The following ROBO2 variants were observed in gnomAD, a reference collection of about 807,000 sequenced individuals.
ROBO2 encodes roundabout guidance receptor 2, also known as roundabout homolog 2.
ROBO2 carries 53 observed loss-of-function variants against 160.8 expected under a neutral mutation model. The observed-to-expected ratio is 0.33, with a 90% CI of 0.26 to 0.41. ROBO2 has a LOEUF of 0.41. Among genes scored for constraint, ROBO2 ranks in the 10% least tolerant of loss-of-function variants. The probability of loss-of-function intolerance (pLI) is 1.00; values close to 1 mark genes in which losing one functional copy is unlikely to be tolerated. For missense variants in ROBO2, 1,577 were observed against 1,722.4 expected (o/e 0.92, Z 1.49); for synonymous variants, 664 against 611.7 (o/e 1.09, Z -1.26).
chr3:77,445,631 A>G (rs759007930), intron 2 of ROBO2, among the ~76,000 whole-genome samples: 9 of 152,074 alleles, frequency 5.9e-5, no homozygotes, highest in Non-Finnish European at 1.3e-4. Flanking sequence ...TAAAGAAAAT[A>G]AGTGAACAAT....
intron 1 of ROBO2, among the ~76,000 whole-genome samples, chr3:77,083,103 AT>A (rs796865798): frequency 1.1e-4 from 17 of 152,168 alleles, no homozygotes; most frequent in African/African-American, 3.9e-4. Flanking sequence ...CAGTCAGCGT[AT>A]TTTTTCAAAT....
intron 2 of ROBO2, among the ~76,000 whole-genome samples, chr3:76,422,328 G>T (rs1415642809): frequency 6.6e-6 from 1 of 152,116 alleles, no homozygotes; most frequent in East Asian, 1.9e-4. Context: ...CCAGACCCTT[G>T]TTTAGTAAGG....
chr3:77,481,210 A>G, exon 4 of ROBO2: 1 of 1,553,730 alleles, frequency 6.4e-7, no homozygotes, highest in South Asian at 1.3e-5. Flanking sequence ...AGCAGAGCTG[A>G]CTGTCTTTGG....
chr3:76,930,731 T>G (rs1484453992), intron 2 of ROBO2, among the ~76,000 whole-genome samples: 1 of 152,198 alleles, frequency 6.6e-6, no homozygotes, highest in Non-Finnish European at 1.5e-5. Flanking sequence ...CAGTGTCAGA[T>G]GGCAAGAGAA....
intron 2 of ROBO2, among the ~76,000 whole-genome samples, chr3:75,947,025 A>G (rs1948327209): frequency 6.6e-6 from 1 of 152,068 alleles, no homozygotes; most frequent in African/African-American, 2.4e-5. Flanking sequence ...GGAGAAAATC[A>G]GTTGAGATTG....
intron 2 of ROBO2, among the ~76,000 whole-genome samples, chr3:76,657,060 CCT>C (rs1161226838): frequency 6.6e-6 from 1 of 151,978 alleles, no homozygotes; most frequent in Non-Finnish European, 1.5e-5. Context: ...ATCTTGGATT[CCT>C]CTTTTTTTTC....
chr3:75,929,210 T>C (rs1340431990), intron 1 of ROBO2, among the ~76,000 whole-genome samples: 1 of 144,886 alleles, frequency 6.9e-6, no homozygotes, highest in Non-Finnish European at 1.5e-5. Flanking sequence ...TGTGTGTGTG[T>C]GTGTTAGACT....
intron 2 of ROBO2, among the ~76,000 whole-genome samples, chr3:76,155,781 G>A (rs891059061): frequency 1.3e-5 from 2 of 152,088 alleles, no homozygotes; most frequent in African/African-American, 4.8e-5. Flanking sequence ...AATATTCAAT[G>A]TAAAGAATAT....
chr3:76,273,329 C>T (rs1191822781), intron 2 of ROBO2, among the ~76,000 whole-genome samples: 1 of 151,140 alleles, frequency 6.6e-6, no homozygotes, highest in Admixed American at 6.6e-5. Context: ...GATTTTGACT[C>T]TCAGGAGTAG....
At position 77,608,949 on chromosome 3, in the gene ROBO2, C is replaced by T. The variant is rs2094575407; in HGVS notation, c.3293+995C>T. 2.0e-5 allele frequency among the ~76,000 whole-genome samples: 3 copies of T among 151,844 alleles called. No homozygotes were observed. The South Asian group carries it at 6.2e-4, about 32-fold the overall frequency. On this transcript the variant is annotated intron_variant, in intron 21 of 25. Transcript: ENST00000461745. ...TCTTCTTCATCCTCTTTTCTTTGTA[C>T]ATAACTCCTGTCTTTGAAGTCTTCA...
At chr3:75,986,258 CTTGT>C (rs2065412068) in intron 2 of ROBO2, among the ~76,000 whole-genome samples, 1 of 150,918 alleles carries the variant, frequency 6.6e-6, no homozygotes, top group African/African-American at 2.4e-5. Context: ...GTGTTATGTT[CTTGT>C]AGTTTTGATT....
chr3:76,592,373 A>G (rs2086467872), intron 2 of ROBO2, among the ~76,000 whole-genome samples: 1 of 152,088 alleles, frequency 6.6e-6, no homozygotes, highest in Non-Finnish European at 1.5e-5. Context: ...TTGCTAACAA[A>G]CTAACCTAGA....
At chr3:77,578,459 T>C (rs1433474602) in intron 15 of ROBO2, among the ~76,000 whole-genome samples, 1 of 152,090 alleles carries the variant, frequency 6.6e-6, no homozygotes, top group Non-Finnish European at 1.5e-5. Flanking sequence ...TAGACACCCA[T>C]TTCACCTACA....
At chr3:76,299,442 G>A (rs1225286885) in intron 2 of ROBO2, among the ~76,000 whole-genome samples, 3 of 152,288 alleles carry the variant, frequency 2.0e-5, no homozygotes, top group Non-Finnish European at 4.4e-5. Flanking sequence ...AAGGAAGCCA[G>A]TATGGCTGGC....
intron 2 of ROBO2, among the ~76,000 whole-genome samples, chr3:77,154,266 G>A (rs74974184): frequency 0.051 from 7,772 of 151,998 alleles, 232 homozygotes; most frequent in East Asian, 0.093. Context: ...CTGTTAAAAA[G>A]CAATCAATAA....
chr3:76,453,062 A>G (rs1384932066), intron 2 of ROBO2, among the ~76,000 whole-genome samples: 1 of 152,064 alleles, frequency 6.6e-6, no homozygotes, highest in Non-Finnish European at 1.5e-5. Flanking sequence ...TTCATTGTAG[A>G]TTCTGGATAT....
At chr3:77,548,318 A>G (rs2092782493) in intron 7 of ROBO2, among the ~76,000 whole-genome samples, 2 of 152,098 alleles carry the variant, frequency 1.3e-5, no homozygotes, top group Admixed American at 1.3e-4. Flanking sequence ...GTTTAAATGA[A>G]TAAGTTGCTT....
At chr3:77,182,497 G>A (rs2080880935) in intron 2 of ROBO2, among the ~76,000 whole-genome samples, 1 of 152,004 alleles carries the variant, frequency 6.6e-6, no homozygotes, top group Admixed American at 6.6e-5. Context: ...GTCTGAGATG[G>A]GACAGGGGAA....
chr3:76,799,018 T>C (rs2063990318), intron 2 of ROBO2, among the ~76,000 whole-genome samples: 1 of 151,682 alleles, frequency 6.6e-6, no homozygotes, highest in African/African-American at 2.4e-5. Context: ...ATGGAGACCA[T>C]CCTGGCTAAC....
Sources: allele counts gnomAD v4.1 joint callset (sites outside exome capture counted in the v4.1 genomes callset), GRCh38; gene constraint gnomAD v4.1.1; transcripts MANE v1.5; gene names NCBI Gene and HGNC (gene_info 2026-07-23, HGNC 2026-07-21).